The following ATXN7L1 variants were observed in gnomAD, a reference collection of about 807,000 sequenced individuals.
ATXN7L1 encodes ataxin 7 like 1.
In ATXN7L1, 15 loss-of-function variants were observed where a neutral mutation model predicts 70.8. The ratio of observed to expected loss-of-function variants is 0.21; its 90% CI spans 0.14 to 0.33. ATXN7L1 has a LOEUF of 0.33. Among genes scored for constraint, ATXN7L1 ranks in the 10% least tolerant of loss-of-function variants. The pLI is 1.00. For missense variants in ATXN7L1, 975 were observed against 1,097.1 expected (o/e 0.89, Z 1.57); for synonymous variants, 440 against 445.1 (o/e 0.99, Z 0.14).
At position 105,610,534 on chromosome 7, in the gene ATXN7L1, G is replaced by A. The variant is rs1222645129; in HGVS notation, c.2542C>T (p.Arg848Ter). ...CCCCACCCTCAGTAACTTACCTGTCGGCTGTGTCCTGGGCTGGATATACTT... is the reference window on the plus strand; with the variant it reads ...CCCCACCCTCAGTAACTTACCTGTCAGCTGTGTCCTGGGCTGGATATACTT... Reference protein sequence around the residue: ...PSSISSPGHSRQNTNRTGRIR... With the variant: ...PSSISSPGHS Residue 848 changes from arginine (R) to a stop codon, truncating the protein, a stop_gained, in exon 11 of 12, where the codon CGA becomes TGA. Transcript: ENST00000419735. LOFTEE classifies it high-confidence loss of function. 1.3e-6 allele frequency: 2 copies of A among 1,545,556 alleles called. No homozygotes were observed. The highest frequency in any genetic ancestry group is 1.7e-6 in the Non-Finnish European group (2 of 1,144,312).
chr7:105,619,382 C>T (rs1794466949), intron 9 of ATXN7L1, among the ~76,000 whole-genome samples: 1 of 146,040 alleles, frequency 6.8e-6, no homozygotes, highest in Non-Finnish European at 1.5e-5. Context: ...CTCCTGATCT[C>T]AGTTGATCCG....
intron 9 of ATXN7L1, among the ~76,000 whole-genome samples, chr7:105,619,514 ATATATATATATATATATTTTTTTT>A (rs1175600603): frequency 6.1e-5 from 1 of 16,418 alleles, no homozygotes; most frequent in African/African-American, 2.9e-4. Context: ...ATATATATAT[ATATATATATATATATATTTTTTTT>A]TTTTTTTTTT....
At chr7:105,854,576 T>G (rs984956662) in intron 2 of ATXN7L1, among the ~76,000 whole-genome samples, 6 of 146,434 alleles carry the variant, frequency 4.1e-5, no homozygotes, top group Admixed American at 2.0e-4. Flanking sequence ...ATATGAAAAC[T>G]AACCTCAAAA....
At chr7:105,840,234 A>G (rs1756516680) in intron 2 of ATXN7L1, among the ~76,000 whole-genome samples, 1 of 152,168 alleles carries the variant, frequency 6.6e-6, no homozygotes, top group African/African-American at 2.4e-5. Context: ...TGAGTTCTGG[A>G]AAAGTCATGC....
intron 3 of ATXN7L1, among the ~76,000 whole-genome samples, chr7:105,743,846 GA>G (rs1472045623): frequency 1.3e-5 from 2 of 152,168 alleles, no homozygotes; most frequent in Non-Finnish European, 2.9e-5. Context: ...TTGCATCTGC[GA>G]AAATTATGCT....
chr7:105,722,622 T>C (rs1166398088), intron 3 of ATXN7L1, among the ~76,000 whole-genome samples: 1 of 117,364 alleles, frequency 8.5e-6, no homozygotes, highest in Non-Finnish European at 1.7e-5. Flanking sequence ...CTTACGCCTG[T>C]AATCCCAGCA....
At chr7:105,838,102 T>G (rs1812672662) in intron 2 of ATXN7L1, among the ~76,000 whole-genome samples, 1 of 152,212 alleles carries the variant, frequency 6.6e-6, no homozygotes, top group Non-Finnish European at 1.5e-5. Context: ...AAGCGCAATA[T>G]GTGATCCTAG....
chr7:105,618,243 G>A (rs1001192546), intron 9 of ATXN7L1: 26 of 354,274 alleles, frequency 7.3e-5, no homozygotes, highest in Admixed American at 1.1e-4. Context: ...GCTGGCTGCC[G>A]TCTTGGGGAA....
chr7:105,763,220 A>G (rs1584946598), intron 3 of ATXN7L1, among the ~76,000 whole-genome samples: 1 of 152,056 alleles, frequency 6.6e-6, no homozygotes, highest in East Asian at 1.9e-4. Flanking sequence ...CTCCCCTTCA[A>G]TTCCCTTCTT....
At chr7:105,786,483 T>C (rs113373656) in intron 3 of ATXN7L1, among the ~76,000 whole-genome samples, 1,620 of 152,296 alleles carry the variant, frequency 0.011, 34 homozygotes, top group African/African-American at 0.037. Context: ...TCCAGTGAAT[T>C]AAGCTCTCAG....
At chr7:105,746,472 C>T (rs1798601981) in intron 3 of ATXN7L1, among the ~76,000 whole-genome samples, 1 of 152,208 alleles carries the variant, frequency 6.6e-6, no homozygotes, top group African/African-American at 2.4e-5. Context: ...ATGTCCCCAG[C>T]TTCTGCGTCT....
At chr7:105,824,554 T>G (rs1255763437) in intron 2 of ATXN7L1, among the ~76,000 whole-genome samples, 1 of 151,732 alleles carries the variant, frequency 6.6e-6, no homozygotes, top group Non-Finnish European at 1.5e-5. Flanking sequence ...ACATAAAAAT[T>G]TTACTAGAAG....
intron 2 of ATXN7L1, among the ~76,000 whole-genome samples, chr7:105,859,446 C>G (rs1049739642): frequency 6.6e-6 from 1 of 152,108 alleles, no homozygotes; most frequent in East Asian, 1.9e-4. Context: ...CATAATGACA[C>G]TTTGGTCAAC....
chr7:105,670,890 A>C (rs1803464530), intron 3 of ATXN7L1, among the ~76,000 whole-genome samples: 1 of 152,028 alleles, frequency 6.6e-6, no homozygotes, highest in African/African-American at 2.4e-5. Context: ...ATGGATCACG[A>C]GGTCAGGAGA....
At chr7:105,651,515 G>T (rs1799834759) in intron 4 of ATXN7L1, among the ~76,000 whole-genome samples, 1 of 152,204 alleles carries the variant, frequency 6.6e-6, no homozygotes, top group Non-Finnish European at 1.5e-5. Flanking sequence ...GGGGTGGACA[G>T]GGTGGAGGCA....
intron 2 of ATXN7L1, among the ~76,000 whole-genome samples, chr7:105,848,842 T>C (rs1430897530): frequency 6.6e-6 from 1 of 152,164 alleles, no homozygotes; most frequent in Non-Finnish European, 1.5e-5. Flanking sequence ...GTGACTATTC[T>C]TCTAGCCTCC....
At chr7:105,818,893 A>AT (rs36115790) in intron 2 of ATXN7L1, among the ~76,000 whole-genome samples, 85 of 146,622 alleles carry the variant, frequency 5.8e-4, no homozygotes, top group South Asian at 1.1e-3. Context: ...TACCCACTGC[A>AT]TTTTTTTTTT....
chr7:105,687,476 C>G (rs958720263), intron 3 of ATXN7L1, among the ~76,000 whole-genome samples: 3 of 152,166 alleles, frequency 2.0e-5, no homozygotes, highest in Admixed American at 6.5e-5. Flanking sequence ...GACAATGGCA[C>G]AAGTCCAGAG....
chr7:105,645,685 C>T (rs1266196109), intron 4 of ATXN7L1, among the ~76,000 whole-genome samples: 4 of 150,142 alleles, frequency 2.7e-5, no homozygotes, highest in Non-Finnish European at 4.4e-5. Flanking sequence ...TGGCAGCGGG[C>T]GCCTGTAGTC....
Sources: allele counts gnomAD v4.1 joint callset (sites outside exome capture counted in the v4.1 genomes callset), GRCh38; gene constraint gnomAD v4.1.1; transcripts MANE v1.5; gene names NCBI Gene and HGNC (gene_info 2026-07-23, HGNC 2026-07-21).